Variants in AK3 observed in about 807,000 individuals in gnomAD.
The protein encoded by AK3 is GTP:AMP phosphotransferase AK3, mitochondrial.
Under a neutral mutation model 23.7 loss-of-function variants are expected in AK3, and 27 were observed. The observed-to-expected ratio is 1.14, with a 90% CI of 0.84 to 1.57. The LOEUF (loss-of-function observed/expected upper bound fraction) is 1.57. Ranked by LOEUF, AK3 falls within the 40% of genes most tolerant of loss-of-function variation. The probability of loss-of-function intolerance (pLI) is 0.00; values close to 1 mark genes in which losing one functional copy is unlikely to be tolerated. For synonymous variants in AK3, 159 were observed against 116.0 expected, an observed-to-expected ratio of 1.37 and a Z score of -2.38; for missense variants, 406 against 285.6, an observed-to-expected ratio of 1.42 and a Z score of -3.04.
At position 4,711,691 on chromosome 9, in the gene AK3, C is replaced by A. The variant is rs1366943699; in HGVS notation, c.*1285G>T. ...CATGGAAGACATAATCAAGTTTTTCCTCCATCTCTCATATTTCCCCACTTC... is the reference window on the plus strand; with the variant it reads ...CATGGAAGACATAATCAAGTTTTTCATCCATCTCTCATATTTCCCCACTTC... On this transcript the variant is annotated 3_prime_UTR_variant, in exon 5 of 5. Transcript: ENST00000381809. 6.6e-6 allele frequency: 1 copy of A among 152,084 alleles called. No individual in the cohort carries two copies. The highest frequency in any genetic ancestry group is 1.5e-5 in the Non-Finnish European group (1 of 68,000). 9.4% of individuals were successfully genotyped at this position (152,084 alleles called of 1,614,324 possible). A position where few individuals can be genotyped will look rare whatever the true frequency, so the allele number is the denominator to read the frequency against.
Position 4,728,816 on chromosome 9 carries a change from C to A in AK3, c.152-6191G>T, listed in dbSNP as rs184515336. ...TTCAAGACCAGCCTGGGCAACACAG[C>A]AAGACCATGTCTCTACATATATATA... On this transcript the variant is annotated intron_variant, in intron 1 of 4. Coordinates refer to ENST00000381809, the MANE Select transcript of AK3 (RefSeq NM_016282.4). Among the ~76,000 whole-genome samples the A allele has an allele frequency of 2.0e-3, 273 of 135,084 alleles. 2 individuals carry two copies. The highest frequency in any genetic ancestry group is 7.2e-3 in the African/African-American group (251 of 35,062). The allele number at this position is 135,084 out of a possible 152,430, so 88.6% of individuals were successfully genotyped here.
At chr9:4,719,085 G>A (rs1406444517) in intron 3 of AK3, 50 bp downstream of exon 3, 3 of 1,600,390 alleles carry the variant, frequency 1.9e-6, no homozygotes, top group East Asian at 4.5e-5. Flanking sequence ...GTTAGGGCAA[G>A]AGGACTCAGG....
At chr9:4,714,209 C>G (rs1344600705) in intron 4 of AK3, among the ~76,000 whole-genome samples, 4 of 36,922 alleles carry the variant, frequency 1.1e-4, no homozygotes, top group Non-Finnish European at 2.8e-4. Flanking sequence ...CACATATACA[C>G]CTCCACACAT....
At chr9:4,741,260 G>C (rs1180609535), upstream of AK3, 11 of 633,816 alleles carry the variant, frequency 1.7e-5, no homozygotes, top group East Asian at 3.9e-4. Context: ...CCCAGACAGC[G>C]CGGGACCCCG....
intron 1 of AK3, among the ~76,000 whole-genome samples, chr9:4,736,731 A>T (rs544865150): frequency 3.6e-4 from 54 of 151,958 alleles, no homozygotes; most frequent in African/African-American, 1.3e-3. Context: ...CACTGTGAGT[A>T]CTGTGGTGCT....
intron 2 of AK3, among the ~76,000 whole-genome samples, chr9:4,721,739 G>A (rs192538318): frequency 2.7e-4 from 41 of 152,306 alleles, no homozygotes; most frequent in Admixed American, 3.3e-4. Context: ...AATTAAAGGC[G>A]TGAGCCACTG....
chr9:4,731,697 A>G lies in AK3; in HGVS notation c.152-9072T>C, dbSNP rs553442687. Among the ~76,000 whole-genome samples the G allele has an allele frequency of 1.1e-3, 173 of 152,290 alleles. 1 individual carries two copies. The highest frequency in any genetic ancestry group is 4.0e-3 in the African/African-American group (167 of 41,562). ...CTCTTAACCAGCATGTTCTCTGGAG[A>G]TATGGTAAACTTTTATCCATTTGAT... On this transcript the variant is annotated intron_variant, in intron 1 of 4. Transcript: ENST00000381809.
At chr9:4,741,315 C>G, upstream of AK3, 2 of 410,994 alleles carry the variant, frequency 4.9e-6, no homozygotes, top group Admixed American at 4.7e-5. Context: ...CCCCCGCCCC[C>G]GACCGAGCGC....
At chr9:4,738,014 C>T (rs1467816849) in intron 1 of AK3, among the ~76,000 whole-genome samples, 2 of 152,084 alleles carry the variant, frequency 1.3e-5, no homozygotes, top group African/African-American at 2.4e-5. Context: ...TGTAGAAATT[C>T]CATACTAGGA....
intron 1 of AK3, among the ~76,000 whole-genome samples, chr9:4,726,921 C>A (rs1842034446): frequency 6.6e-6 from 1 of 152,014 alleles, no homozygotes; most frequent in Non-Finnish European, 1.5e-5. Flanking sequence ...GTTGTGTCAG[C>A]AGGCATGAAA....
Position 4,727,384 on chromosome 9 carries a change from A to G in AK3, c.152-4759T>C, listed in dbSNP as rs1411529474. Among the ~76,000 whole-genome samples, 5 of 152,166 alleles carry G rather than the reference A, an allele frequency of 3.3e-5. No homozygotes were observed. In the East Asian group the frequency reaches 9.6e-4, roughly 29 times the overall value. ...CACCTTCATCAATGATCTTAGCTAG[A>G]TTTTCTGGATACCTTGCTGCAGCTT... On this transcript the variant is annotated intron_variant, in intron 1 of 4. Coordinates refer to ENST00000381809, the MANE Select transcript of AK3 (RefSeq NM_016282.4).
At chr9:4,715,964 A>C (rs1209134477) in intron 4 of AK3, among the ~76,000 whole-genome samples, 1 of 152,128 alleles carries the variant, frequency 6.6e-6, no homozygotes, top group Non-Finnish European at 1.5e-5. Flanking sequence ...TTGCTGGCAA[A>C]AGAGGCTCTT....
chr9:4,734,042 G>T (rs1226265926), intron 1 of AK3, among the ~76,000 whole-genome samples: 2 of 152,130 alleles, frequency 1.3e-5, no homozygotes, highest in African/African-American at 4.8e-5. Flanking sequence ...AAATCTGTAT[G>T]TTGGAACCTA....
intron 1 of AK3, among the ~76,000 whole-genome samples, chr9:4,740,180 C>G (rs555132917): frequency 6.6e-6 from 1 of 151,582 alleles, no homozygotes; most frequent in Non-Finnish European, 1.5e-5. Flanking sequence ...GTAAGGTCAA[C>G]ATTTTTTGAG....
At chr9:4,722,056 C>G (rs1475583580) in intron 2 of AK3, among the ~76,000 whole-genome samples, 1 of 152,154 alleles carries the variant, frequency 6.6e-6, no homozygotes, top group Non-Finnish European at 1.5e-5. Context: ...AAAGGCTTAT[C>G]CCAAGTTTAT....
chr9:4,719,220 A>G lies in AK3; in HGVS notation c.359T>C (p.Val120Ala), dbSNP rs1409115013. Residue 120 changes from valine (V) to alanine (A), a missense_variant, in exon 3 of 5, where the codon GTC (valine) becomes GCC (alanine). Transcript: ENST00000381809. Reference sequence around the variant, plus strand: ...GCGAGCAGTAAGGCGTTGTTTAATGACCTCAAAGGGCACATTCAGGTTAAT... The same window carrying G: ...GCGAGCAGTAAGGCGTTGTTTAATGGCCTCAAAGGGCACATTCAGGTTAAT... ...TVINLNVPFE[V>A]IKQRLTARWI... is the part of the protein sequence containing the mutation. 7 of 1,611,918 alleles carry G rather than the reference A, an allele frequency of 4.3e-6. No homozygotes were observed. The highest frequency in any genetic ancestry group is 1.1e-5 in the South Asian group (1 of 90,966).
At chr9:4,741,217 T>C (rs1193488404), upstream of AK3, 1 of 1,079,084 alleles carries the variant, frequency 9.3e-7, no homozygotes, top group Non-Finnish European at 1.2e-6. Context: ...TTCCCCGGCG[T>C]TCCCGGAAGT....
At position 4,711,820 on chromosome 9, in the gene AK3, A is replaced by C. The variant is rs1349418708; in HGVS notation, c.*1156T>G. On this transcript the variant is annotated 3_prime_UTR_variant, in exon 5 of 5. Coordinates refer to ENST00000381809, the MANE Select transcript of AK3 (RefSeq NM_016282.4). ...TTCTTTCTCCTTAAAATATGGTGGC[A>C]GTGAATGCTAACAGGTATCAATTTC... The C allele has an allele frequency of 2.0e-5, 3 of 152,234 alleles. No individual in the cohort carries two copies. The highest frequency in any genetic ancestry group is 7.2e-5 in the African/African-American group (3 of 41,460). The allele number at this position is 152,234 out of a possible 1,614,324, so 9.4% of individuals were successfully genotyped here. A position where few individuals can be genotyped will look rare whatever the true frequency, so the allele number is the denominator to read the frequency against.
chr9:4,738,944 T>C (rs528172189), intron 1 of AK3, among the ~76,000 whole-genome samples: 1 of 151,998 alleles, frequency 6.6e-6, no homozygotes, highest in East Asian at 1.9e-4. Flanking sequence ...GCTAATTTTT[T>C]GTATTTTTGG....
Sources: gnomAD v4.1 joint callset for allele counts (sites outside exome capture counted in the v4.1 genomes callset) on GRCh38, gnomAD v4.1.1 for gene constraint, MANE v1.5 for transcripts, NCBI Gene and HGNC (gene_info 2026-07-23, HGNC 2026-07-21) for gene names.